The following SHISA6 variants were observed in gnomAD, a reference collection of about 807,000 sequenced individuals.
SHISA6 encodes the protein shisa family member 6.
Under a neutral mutation model 47.9 loss-of-function variants are expected in SHISA6, and 22 were observed. The ratio of observed to expected loss-of-function variants is 0.46; its 90% CI spans 0.33 to 0.66. SHISA6 has a LOEUF of 0.66. Ranked by LOEUF, SHISA6 falls within the 30% of genes least tolerant of loss-of-function variation. The probability of loss-of-function intolerance (pLI) is 0.02; values close to 1 mark genes in which losing one functional copy is unlikely to be tolerated. For synonymous variants in SHISA6, 388 were observed against 337.8 expected, an observed-to-expected ratio of 1.15 and a Z score of -1.63; for missense variants, 680 against 764.6, an observed-to-expected ratio of 0.89 and a Z score of 1.30.
intron 3 of SHISA6, among the ~76,000 whole-genome samples, chr17:11,491,788 T>TTTTTC (rs1916491851): frequency 6.6e-6 from 1 of 150,694 alleles, no homozygotes; most frequent in African/African-American, 2.4e-5. Flanking sequence ...TTTTTTTTTT[T>TTTTTC]TGAGACAGAG....
At chr17:11,525,046 G>T (rs940544351) in intron 3 of SHISA6, among the ~76,000 whole-genome samples, 1 of 152,062 alleles carries the variant, frequency 6.6e-6, no homozygotes, top group African/African-American at 2.4e-5. Context: ...GTTTTTGTTT[G>T]TATATCTTTT....
intron 3 of SHISA6, among the ~76,000 whole-genome samples, chr17:11,544,241 G>C (rs932074054): frequency 6.6e-6 from 1 of 152,012 alleles, no homozygotes; most frequent in African/African-American, 2.4e-5. Context: ...TAAAACATTT[G>C]CTCTGCAAAA....
At chr17:11,533,509 T>C (rs541301255) in intron 3 of SHISA6, among the ~76,000 whole-genome samples, 1 of 151,858 alleles carries the variant, frequency 6.6e-6, no homozygotes, top group Non-Finnish European at 1.5e-5. Flanking sequence ...CCCTGGCCTC[T>C]CTCCCCACCG....
intron 3 of SHISA6, among the ~76,000 whole-genome samples, chr17:11,447,765 C>T (rs892539725): frequency 7.2e-5 from 11 of 152,304 alleles, no homozygotes; most frequent in East Asian, 1.9e-4. Context: ...AGTTTCTGCC[C>T]GTTTCCTTCC....
chr17:11,464,091 ATT>A (rs986572363), intron 3 of SHISA6, among the ~76,000 whole-genome samples: 2 of 151,680 alleles, frequency 1.3e-5, no homozygotes, highest in Non-Finnish European at 2.9e-5. Flanking sequence ...TAATTTTTAA[ATT>A]TTTTTTAGAG....
At position 11,563,760 on chromosome 17, in the gene SHISA6, A is replaced by G. The variant is rs2072067282; in HGVS notation, c.*5456A>G. The G allele has an allele frequency of 6.6e-6, 1 of 152,236 alleles. No homozygotes were observed. The highest frequency in any genetic ancestry group is 1.5e-5 in the Non-Finnish European group (1 of 68,034). 9.4% of individuals were successfully genotyped at this position (152,236 alleles called of 1,614,324 possible). On this transcript the variant is annotated 3_prime_UTR_variant, in exon 6 of 6. Transcript: ENST00000441885. Reference sequence around the variant, plus strand: ...GACACAATTTCCTAAGGGGGGATTAATGAACATTTTTATGCATTAGCCCAA... The same window carrying G: ...GACACAATTTCCTAAGGGGGGATTAGTGAACATTTTTATGCATTAGCCCAA...
chr17:11,454,369 C>T (rs1330564268), intron 3 of SHISA6, among the ~76,000 whole-genome samples: 1 of 152,204 alleles, frequency 6.6e-6, no homozygotes, highest in African/African-American at 2.4e-5. Flanking sequence ...CACCCTCTTC[C>T]TACAGCCTGT....
At chr17:11,533,214 T>C (rs111467271) in intron 3 of SHISA6, among the ~76,000 whole-genome samples, 6 of 152,286 alleles carry the variant, frequency 3.9e-5, no homozygotes, top group African/African-American at 1.4e-4. Context: ...ACCTCAGAGC[T>C]GATTCAGCTG....
At chr17:11,370,870 A>G (rs1270920381) in intron 2 of SHISA6, among the ~76,000 whole-genome samples, 1 of 152,144 alleles carries the variant, frequency 6.6e-6, no homozygotes, top group Non-Finnish European at 1.5e-5. Flanking sequence ...GAGCCTTCCC[A>G]TCTGTGGACA....
intron 2 of SHISA6, among the ~76,000 whole-genome samples, chr17:11,313,502 C>T (rs1048519642): frequency 6.6e-6 from 1 of 152,054 alleles, no homozygotes; most frequent in South Asian, 2.1e-4. Flanking sequence ...TATCCAGAAA[C>T]GAGTAATCAG....
At chr17:11,245,749 T>TGGG (rs59664791) in intron 1 of SHISA6, among the ~76,000 whole-genome samples, 42 of 110,484 alleles carry the variant, frequency 3.8e-4, no homozygotes, top group Non-Finnish European at 5.4e-4. Flanking sequence ...GTGGGCAGGG[T>TGGG]GGGGGGGGTG....
Position 11,316,568 on chromosome 17 carries a change from G to A in SHISA6, c.799+53042G>A, listed in dbSNP as rs182409440. ...CCCAAGTAATGGGGATTACAGGTGCGTGCCACCACGCCCGGCTAATTTTTT... is the reference window on the plus strand; with the variant it reads ...CCCAAGTAATGGGGATTACAGGTGCATGCCACCACGCCCGGCTAATTTTTT... On this transcript the variant is annotated intron_variant, in intron 2 of 5. Coordinates refer to ENST00000441885, the MANE Select transcript of SHISA6 (RefSeq NM_207386.4). Among the ~76,000 whole-genome samples the A allele has an allele frequency of 1.1e-3, 161 of 151,654 alleles. 2 individuals are homozygous for A. Among genetic ancestry groups the A allele is most frequent in the African/African-American group, 3.4e-3 (139 of 41,378 alleles).
intron 3 of SHISA6, among the ~76,000 whole-genome samples, chr17:11,422,723 A>G (rs1914484812): frequency 6.6e-6 from 1 of 151,008 alleles, no homozygotes; most frequent in African/African-American, 2.4e-5. Flanking sequence ...AGATCCCGCC[A>G]CTGCACTCCA....
At chr17:11,382,959 C>T (rs1388420200) in intron 3 of SHISA6, among the ~76,000 whole-genome samples, 3 of 96,414 alleles carry the variant, frequency 3.1e-5, no homozygotes, top group East Asian at 3.6e-4. Flanking sequence ...TTTTTTGAGA[C>T]GGAGTCTCAC....
At chr17:11,352,701 A>T (rs1024402721) in intron 2 of SHISA6, among the ~76,000 whole-genome samples, 1 of 152,154 alleles carries the variant, frequency 6.6e-6, no homozygotes, top group Non-Finnish European at 1.5e-5. Context: ...AGCATGATGG[A>T]GAGAGGGTTG....
chr17:11,367,419 T>C (rs1017795717), intron 2 of SHISA6, among the ~76,000 whole-genome samples: 14 of 151,990 alleles, frequency 9.2e-5, no homozygotes, highest in African/African-American at 2.9e-4. Flanking sequence ...TGAGGCAAGG[T>C]CATGAGTTGA....
chr17:11,353,983 A>G (rs577066052), intron 2 of SHISA6, among the ~76,000 whole-genome samples: 1 of 152,278 alleles, frequency 6.6e-6, no homozygotes, highest in South Asian at 2.1e-4. Context: ...CGACTTCAGC[A>G]CTGTGGCATT....
chr17:11,541,892 G>C (rs1043250378), intron 3 of SHISA6, among the ~76,000 whole-genome samples: 4 of 152,122 alleles, frequency 2.6e-5, no homozygotes, highest in African/African-American at 9.7e-5. Context: ...CAGTGAAGCT[G>C]GTCATGCCCC....
intron 2 of SHISA6, among the ~76,000 whole-genome samples, chr17:11,341,537 G>T (rs71362107): frequency 0.17 from 25,721 of 151,854 alleles, 2,497 homozygotes; most frequent in South Asian, 0.29. Context: ...GTTTCGCCAT[G>T]TTGGCCAGGC....
Sources: allele counts gnomAD v4.1 joint callset (sites outside exome capture counted in the v4.1 genomes callset), GRCh38; gene constraint gnomAD v4.1.1; transcripts MANE v1.5; gene names NCBI Gene and HGNC (gene_info 2026-07-23, HGNC 2026-07-21).